WWP1: variants seen among roughly 807,000 people sequenced by gnomAD.
The protein encoded by WWP1 is WW domain containing E3 ubiquitin protein ligase 1.
A neutral mutation model predicts 130.6 loss-of-function variants in WWP1; 49 were observed. That is an observed-to-expected ratio of 0.38 (90% confidence interval 0.30 to 0.48). The LOEUF (loss-of-function observed/expected upper bound fraction) is 0.48, where lower values mean the gene tolerates loss of function less well. Ranked by LOEUF, WWP1 falls within the 20% of genes least tolerant of loss-of-function variation. The probability of loss-of-function intolerance (pLI) is 0.99; values close to 1 mark genes in which losing one functional copy is unlikely to be tolerated. For synonymous variants in WWP1, 332 were observed against 367.8 expected (o/e 0.90, Z 1.11); for missense variants, 809 against 1,100.6 (o/e 0.74, Z 3.75).
intron 2 of WWP1, among the ~76,000 whole-genome samples, chr8:86,372,248 TC>T (rs1468008559): frequency 6.6e-6 from 1 of 151,852 alleles, no homozygotes; most frequent in African/African-American, 2.4e-5. Flanking sequence ...GGTCTCGATC[TC>T]CTGACCTCGT....
At chr8:86,384,910 A>G (rs905675874) in intron 5 of WWP1, among the ~76,000 whole-genome samples, 2 of 151,950 alleles carry the variant, frequency 1.3e-5, no homozygotes, top group African/African-American at 4.8e-5. Flanking sequence ...TGTAGTCCCA[A>G]CTACTTGGGA....
intron 9 of WWP1, among the ~76,000 whole-genome samples, chr8:86,414,459 T>C (rs1050011350): frequency 1.3e-5 from 2 of 152,130 alleles, no homozygotes; most frequent in Non-Finnish European, 2.9e-5. Context: ...TGTGGGGAGA[T>C]AGAATAGAAA....
chr8:86,380,869 G>A lies in WWP1; in HGVS notation c.209+5G>A. ...ATGGGATGAACAGCTAACTGTGTAA[G>A]TACCTTGTGTAAAGGACGGAAAATC... On this transcript the variant is annotated splice_donor_5th_base_variant and intron_variant, in intron 4 of 24. Transcript: ENST00000517970. 1 of 1,589,354 alleles carries A rather than the reference G, an allele frequency of 6.3e-7. No individual in the cohort carries two copies. The highest frequency in any genetic ancestry group is 8.5e-7 in the Non-Finnish European group (1 of 1,171,110).
intron 18 of WWP1, among the ~76,000 whole-genome samples, chr8:86,445,997 T>TTTTTG (rs1810852990): frequency 9.1e-6 from 1 of 109,518 alleles, no homozygotes; most frequent in African/African-American, 3.2e-5. Flanking sequence ...TTTTTTTTTT[T>TTTTTG]TGAGACAAGA....
chr8:86,382,889 A>G (rs539267026), intron 5 of WWP1, among the ~76,000 whole-genome samples: 6 of 152,292 alleles, frequency 3.9e-5, no homozygotes, highest in African/African-American at 1.4e-4. Context: ...TCTCTTATTA[A>G]TTCCTAAAAG....
intron 9 of WWP1, among the ~76,000 whole-genome samples, chr8:86,423,351 C>T (rs1271198438): frequency 6.6e-6 from 1 of 152,012 alleles, no homozygotes; most frequent in African/African-American, 2.4e-5. Context: ...CTCTGGTTTT[C>T]CTAGGCAGAG....
At chr8:86,346,104 A>C (rs1158428040) in intron 1 of WWP1, among the ~76,000 whole-genome samples, 1 of 152,228 alleles carries the variant, frequency 6.6e-6, no homozygotes, top group Admixed American at 6.5e-5. Context: ...GTGATTCTCG[A>C]GTCCTAGACT....
intron 1 of WWP1, among the ~76,000 whole-genome samples, chr8:86,362,001 T>C (rs1224761533): frequency 7.0e-6 from 1 of 142,564 alleles, no homozygotes; most frequent in Non-Finnish European, 1.5e-5. Context: ...TACATATATA[T>C]ACACACATAT....
intron 3 of WWP1, among the ~76,000 whole-genome samples, chr8:86,379,379 A>G (rs1157102093): frequency 2.6e-5 from 4 of 152,160 alleles, no homozygotes; most frequent in African/African-American, 9.6e-5. Flanking sequence ...TATTTCAGTG[A>G]TTTATTTGTG....
chr8:86,374,406 TGG>T (rs1322702505), intron 3 of WWP1, among the ~76,000 whole-genome samples: 8 of 152,180 alleles, frequency 5.3e-5, no homozygotes, highest in Non-Finnish European at 1.2e-4. Context: ...ATTAATAGGA[TGG>T]AGCAGGATGC....
Position 86,431,149 on chromosome 8 carries a change from A to G in WWP1, c.1388-257A>G, listed in dbSNP as rs1190457249. 4.7e-4 allele frequency among the ~76,000 whole-genome samples: 51 copies of G among 109,330 alleles called. 1 individual carries two copies. In the South Asian group the frequency reaches 0.015, roughly 32 times the overall value. 71.7% of individuals were successfully genotyped at this position (109,330 alleles called of 152,430 possible). On this transcript the variant is annotated intron_variant, in intron 12 of 24. Coordinates refer to ENST00000517970, the MANE Select transcript of WWP1 (RefSeq NM_007013.4). ...TAGATTATATATTAAAGAATTATATATTATAGAATATATATTATATTCTAC... is the reference window on the plus strand; with the variant it reads ...TAGATTATATATTAAAGAATTATATGTTATAGAATATATATTATATTCTAC...
At chr8:86,432,681 C>T (rs1017903740) in intron 14 of WWP1, among the ~76,000 whole-genome samples, 4 of 151,698 alleles carry the variant, frequency 2.6e-5, no homozygotes, top group African/African-American at 9.7e-5. Context: ...GATGTCAGCT[C>T]ACTGCAACCT....
chr8:86,391,861 T>C (rs753540316), intron 5 of WWP1, among the ~76,000 whole-genome samples: 2 of 152,072 alleles, frequency 1.3e-5, no homozygotes, highest in Non-Finnish European at 2.9e-5. Flanking sequence ...TTCCCAATGA[T>C]TGCATTTTAA....
intron 1 of WWP1, among the ~76,000 whole-genome samples, chr8:86,347,456 A>G (rs1011866852): frequency 7.2e-5 from 11 of 151,978 alleles, no homozygotes; most frequent in African/African-American, 2.4e-4. Flanking sequence ...TTCATGTACA[A>G]TGGAACATCA....
chr8:86,411,599 A>G lies in WWP1; in HGVS notation c.786A>G (p.Val262=), dbSNP rs145462274. ...ATGCGTCTGTCACGGGTACTCCAGTAGTGTCTGAAGAAAATGCCTTGTCTC... is the reference window on the plus strand; with the variant it reads ...ATGCGTCTGTCACGGGTACTCCAGTGGTGTCTGAAGAAAATGCCTTGTCTC... ...TDNASVTGTP[V]VSEENALSPN... The change falls in exon 9 of 25, where the codon GTA becomes GTG. Residue 262 remains valine (V), a synonymous_variant. Transcript: ENST00000517970. The G allele has an allele frequency of 4.3e-6, 7 of 1,614,016 alleles. No homozygotes were observed. The highest frequency in any genetic ancestry group is 5.9e-6 in the Non-Finnish European group (7 of 1,179,970).
At chr8:86,372,257 C>T (rs1027203697) in intron 2 of WWP1, among the ~76,000 whole-genome samples, 16 of 151,858 alleles carry the variant, frequency 1.1e-4, no homozygotes, top group East Asian at 7.7e-4. Context: ...CTCCTGACCT[C>T]GTGATCCGCC....
chr8:86,410,704 CTT>C (rs11422497), intron 8 of WWP1, among the ~76,000 whole-genome samples: 2 of 137,810 alleles, frequency 1.5e-5, no homozygotes. Flanking sequence ...CTTCTACTTA[CTT>C]TTTTTTTTTT....
intron 3 of WWP1, among the ~76,000 whole-genome samples, chr8:86,377,871 T>C (rs1824763714): frequency 6.6e-6 from 1 of 152,190 alleles, no homozygotes; most frequent in Admixed American, 6.5e-5. Context: ...TTTTCACTTT[T>C]TAAAGTAAAA....
intron 8 of WWP1, among the ~76,000 whole-genome samples, chr8:86,408,611 T>C (rs1448069986): frequency 1.3e-5 from 2 of 152,196 alleles, no homozygotes; most frequent in African/African-American, 2.4e-5. Flanking sequence ...TTTAGTAATG[T>C]TTTTTAAAGT....
Sources: allele counts gnomAD v4.1 joint callset (sites outside exome capture counted in the v4.1 genomes callset), GRCh38; gene constraint gnomAD v4.1.1; transcripts MANE v1.5; gene names NCBI Gene and HGNC (gene_info 2026-07-23, HGNC 2026-07-21).